CADM2: variants seen among roughly 807,000 people sequenced by gnomAD.
The protein encoded by CADM2 is cell adhesion molecule 2.
CADM2 carries 12 observed loss-of-function variants against 49.8 expected under a neutral mutation model. The observed-to-expected ratio is 0.24, with a 90% CI of 0.15 to 0.39. The LOEUF is 0.39. Among genes scored for constraint, CADM2 ranks in the 10% least tolerant of loss-of-function variants. The probability of loss-of-function intolerance (pLI) is 1.00; values close to 1 mark genes in which losing one functional copy is unlikely to be tolerated. For missense variants in CADM2, 378 were observed against 492.3 expected, an observed-to-expected ratio of 0.77 and a Z score of 2.20; for synonymous variants, 214 against 175.4, an observed-to-expected ratio of 1.22 and a Z score of -1.74.
chr3:85,153,515 G>A (rs1045783217), intron 1 of CADM2, among the ~76,000 whole-genome samples: 12 of 152,182 alleles, frequency 7.9e-5, no homozygotes, highest in African/African-American at 2.9e-4. Context: ...CTGGGGGAGG[G>A]GCGCCCGCCA....
chr3:85,398,967 A>G (rs1263768794), intron 1 of CADM2, among the ~76,000 whole-genome samples: 1 of 152,140 alleles, frequency 6.6e-6, no homozygotes, highest in African/African-American at 2.4e-5. Flanking sequence ...GTTCACTCTC[A>G]TGCTAGTTTC....
At chr3:85,079,838 A>G (rs1178776187) in intron 1 of CADM2, among the ~76,000 whole-genome samples, 3 of 151,960 alleles carry the variant, frequency 2.0e-5, no homozygotes, top group Non-Finnish European at 4.4e-5. Flanking sequence ...ACCCCTTTAG[A>G]TAATGCATAA....
chr3:85,703,578 A>T (rs554465421), intron 1 of CADM2, among the ~76,000 whole-genome samples: 3 of 152,298 alleles, frequency 2.0e-5, no homozygotes, highest in Non-Finnish European at 4.4e-5. Flanking sequence ...AAGAAAAAAA[A>T]GTCCAAGGTT....
intron 1 of CADM2, among the ~76,000 whole-genome samples, chr3:84,979,597 G>A (rs1418666000): frequency 2.0e-5 from 3 of 151,878 alleles, no homozygotes; most frequent in Non-Finnish European, 4.4e-5. Context: ...TCGGCCTTAA[G>A]GGGGAGAGAA....
At chr3:85,877,759 A>G (rs888337890) in intron 3 of CADM2, among the ~76,000 whole-genome samples, 5 of 133,710 alleles carry the variant, frequency 3.7e-5, no homozygotes, top group Admixed American at 3.5e-4. Flanking sequence ...ATTGAAGAGG[A>G]CTTCCTAGTT....
At chr3:85,208,440 T>C (rs558044784) in intron 1 of CADM2, among the ~76,000 whole-genome samples, 67 of 152,048 alleles carry the variant, frequency 4.4e-4, no homozygotes, top group East Asian at 2.3e-3. Flanking sequence ...AAACCAACAG[T>C]GAATTGAAAA....
At chr3:85,098,707 T>C (rs1252803264) in intron 1 of CADM2, among the ~76,000 whole-genome samples, 1 of 152,200 alleles carries the variant, frequency 6.6e-6, no homozygotes, top group East Asian at 1.9e-4. Context: ...AATATGTGCA[T>C]ACAGAAGTCT....
chr3:85,406,776 CT>C (rs911021676), intron 1 of CADM2, among the ~76,000 whole-genome samples: 2 of 151,698 alleles, frequency 1.3e-5, no homozygotes, highest in Non-Finnish European at 2.9e-5. Flanking sequence ...CTTGTTTTCA[CT>C]TTTTTTTTCT....
chr3:85,737,275 T>A (rs544354452), intron 2 of CADM2, among the ~76,000 whole-genome samples: 1 of 152,184 alleles, frequency 6.6e-6, no homozygotes, highest in Non-Finnish European at 1.5e-5. Flanking sequence ...TATTACTGAT[T>A]CTCGTAATCG....
chr3:86,044,253 C>T (rs974509617), intron 8 of CADM2, among the ~76,000 whole-genome samples: 1 of 152,116 alleles, frequency 6.6e-6, no homozygotes, highest in African/African-American at 2.4e-5. Flanking sequence ...GCAAAAGAAA[C>T]TACCATCAGA....
chr3:85,553,567 C>T (rs2061872415), intron 1 of CADM2, among the ~76,000 whole-genome samples: 1 of 152,138 alleles, frequency 6.6e-6, no homozygotes, highest in Non-Finnish European at 1.5e-5. Flanking sequence ...TTTAAAAAAA[C>T]TTCTAATTAT....
intron 1 of CADM2, among the ~76,000 whole-genome samples, chr3:85,235,568 A>C (rs2042390125): frequency 6.6e-6 from 1 of 152,134 alleles, no homozygotes; most frequent in African/African-American, 2.4e-5. Flanking sequence ...TAATTTTATA[A>C]TTTACAAAGA....
intron 3 of CADM2, among the ~76,000 whole-genome samples, chr3:85,861,181 CAGTT>C (rs2075518589): frequency 6.6e-6 from 1 of 152,078 alleles, no homozygotes; most frequent in Admixed American, 6.6e-5. Context: ...CCAGAAAGGT[CAGTT>C]AGGAGTCTCA....
intron 1 of CADM2, among the ~76,000 whole-genome samples, chr3:85,485,949 G>A (rs1021195274): frequency 3.3e-5 from 5 of 152,028 alleles, no homozygotes; most frequent in Admixed American, 2.6e-4. Context: ...TTTACATTCA[G>A]TATAGTTCAT....
chr3:85,995,958 C>T (rs192204619), intron 8 of CADM2, among the ~76,000 whole-genome samples: 231 of 151,670 alleles, frequency 1.5e-3, no homozygotes, highest in South Asian at 4.0e-3. Context: ...GGCGTGGTGG[C>T]GGTCGCCTGT....
At chr3:85,713,801 G>T (rs2067196908) in intron 1 of CADM2, among the ~76,000 whole-genome samples, 1 of 152,142 alleles carries the variant, frequency 6.6e-6, no homozygotes, top group African/African-American at 2.4e-5. Flanking sequence ...GTATCTACAT[G>T]CTCTTTGAAT....
At chr3:85,262,454 G>A (rs1195532791) in intron 1 of CADM2, among the ~76,000 whole-genome samples, 1 of 151,930 alleles carries the variant, frequency 6.6e-6, no homozygotes, top group Non-Finnish European at 1.5e-5. Flanking sequence ...TAATAGTCCA[G>A]TTTTTTATTT....
intron 6 of CADM2, among the ~76,000 whole-genome samples, chr3:85,926,334 G>C (rs746799115): frequency 6.6e-6 from 1 of 152,092 alleles, no homozygotes; most frequent in South Asian, 2.1e-4. Flanking sequence ...CTCATTAGAT[G>C]TTAATTGCTA....
rs567006997 is a variant in CADM2 at position 85,232,181 on chromosome 3, G to A, written c.61+272513G>A. ...TATTATTATTTAGTGATTTTGTTCAGTTAAAGGGTGAAATGTTCTCTTATT... is the reference window on the plus strand; with the variant it reads ...TATTATTATTTAGTGATTTTGTTCAATTAAAGGGTGAAATGTTCTCTTATT... On this transcript the variant is annotated intron_variant, in intron 1 of 9. Transcript: ENST00000383699. Among the ~76,000 whole-genome samples, 3 of 150,842 alleles carry A rather than the reference G, an allele frequency of 2.0e-5. No individual in the cohort carries two copies. In the South Asian group the frequency reaches 6.3e-4, roughly 32 times the overall value.
Sources: gnomAD v4.1 joint callset for allele counts (sites outside exome capture counted in the v4.1 genomes callset) on GRCh38, gnomAD v4.1.1 for gene constraint, MANE v1.5 for transcripts, NCBI Gene and HGNC (gene_info 2026-07-23, HGNC 2026-07-21) for gene names.